CERS6: variants seen among roughly 807,000 people sequenced by gnomAD.
The protein encoded by CERS6 is ceramide synthase 6, also known as LAG1 homolog, ceramide synthase 6.
In CERS6, 26 loss-of-function variants were observed where a neutral mutation model predicts 56.8. That is an observed-to-expected ratio of 0.46 (90% CI 0.34 to 0.63). The LOEUF (loss-of-function observed/expected upper bound fraction) is 0.63. Ranked by LOEUF, CERS6 falls within the 30% of genes least tolerant of loss-of-function variation. CERS6 has a pLI of 0.01. For missense variants in CERS6, 415 were observed against 467.5 expected, an observed-to-expected ratio of 0.89 and a Z score of 1.04; for synonymous variants, 164 against 173.3, an observed-to-expected ratio of 0.95 and a Z score of 0.42.
intron 8 of CERS6, among the ~76,000 whole-genome samples, chr2:168,727,131 C>G (rs539963713): frequency 1.3e-5 from 2 of 152,278 alleles, no homozygotes; most frequent in Admixed American, 6.5e-5. Flanking sequence ...CGTACCTTTA[C>G]TGGTCAGCTA....
intron 3 of CERS6, among the ~76,000 whole-genome samples, chr2:168,615,321 C>T (rs888723024): frequency 2.0e-5 from 3 of 151,968 alleles, no homozygotes; most frequent in Non-Finnish European, 4.4e-5. Flanking sequence ...TTAACACCCC[C>T]GAAAAATCAC....
intron 4 of CERS6, among the ~76,000 whole-genome samples, chr2:168,685,965 A>C (rs1257116255): frequency 6.6e-6 from 1 of 151,204 alleles, no homozygotes; most frequent in East Asian, 1.9e-4. Flanking sequence ...GACATTTTAT[A>C]AGTCTTCTTA....
At position 168,615,407 on chromosome 2, in the gene CERS6, A is replaced by G. The variant is rs572353915; in HGVS notation, c.408-15578A>G. Among the ~76,000 whole-genome samples the G allele has an allele frequency of 1.2e-4, 18 of 152,308 alleles. No individual in the cohort carries two copies. In the South Asian group the frequency reaches 3.5e-3, roughly 30 times the overall value. On this transcript the variant is annotated intron_variant, in intron 3 of 9. Coordinates refer to ENST00000305747, the MANE Select transcript of CERS6 (RefSeq NM_203463.3). The stretch of plus-strand genomic sequence containing the variant: ...TGAAAAAGAATCCAGAAAGTCAGTA[A>G]TTAAGCTAATCAAGGAGGCACCAGA...
At chr2:168,534,070 G>T (rs1695214531) in intron 1 of CERS6, among the ~76,000 whole-genome samples, 1 of 152,024 alleles carries the variant, frequency 6.6e-6, no homozygotes, top group Non-Finnish European at 1.5e-5. Context: ...GCTCCATCAG[G>T]TCATTTATGT....
At chr2:168,751,338 C>T (rs553225508) in intron 8 of CERS6, among the ~76,000 whole-genome samples, 7 of 152,156 alleles carry the variant, frequency 4.6e-5, no homozygotes, top group Non-Finnish European at 1.0e-4. Flanking sequence ...TACCAGAAGA[C>T]AGAGCACTAC....
chr2:168,561,540 A>G (rs1695790477), intron 3 of CERS6, among the ~76,000 whole-genome samples: 1 of 152,202 alleles, frequency 6.6e-6, no homozygotes, highest in African/African-American at 2.4e-5. Flanking sequence ...TGGAGTTTCT[A>G]CAAAGTAAGC....
At chr2:168,665,376 T>C (rs1026671149) in intron 4 of CERS6, among the ~76,000 whole-genome samples, 2 of 152,208 alleles carry the variant, frequency 1.3e-5, no homozygotes, top group African/African-American at 4.8e-5. Context: ...TTACTTAAGT[T>C]TTTGCTTAGC....
At chr2:168,598,718 C>T (rs1308278065) in intron 3 of CERS6, among the ~76,000 whole-genome samples, 1 of 152,182 alleles carries the variant, frequency 6.6e-6, no homozygotes, top group African/African-American at 2.4e-5. Context: ...ATCTTCACTT[C>T]TGCAATATAG....
chr2:168,478,444 C>T (rs1377572923), intron 1 of CERS6, among the ~76,000 whole-genome samples: 3 of 152,178 alleles, frequency 2.0e-5, no homozygotes, highest in Admixed American at 1.3e-4. Context: ...GAACTTTACA[C>T]CCTGACCTCC....
chr2:168,715,015 G>A lies in CERS6; in HGVS notation c.624G>A (p.Met208Ile). Residue 208 changes from methionine (M) to isoleucine (I), a missense_variant, in exon 7 of 10, where the codon ATG becomes ATA. By Grantham distance (10) the Met-to-Ile change is conservative. Coordinates refer to ENST00000305747, the MANE Select transcript of CERS6 (RefSeq NM_203463.3). ...CTTTCCTCAAGGACTTTGGCATTAT[G>A]TTCCTGCACCACCTTGTATCTATTT... ...TDIKRKDFGI[M>I]FLHHLVSIFL... The A allele has an allele frequency of 6.2e-7, 1 of 1,606,336 alleles. No homozygotes were observed.
intron 4 of CERS6, among the ~76,000 whole-genome samples, chr2:168,631,461 AAATAT>A (rs1167642699): frequency 1.2e-3 from 149 of 124,812 alleles, no homozygotes; most frequent in Middle Eastern, 3.8e-3. Flanking sequence ...TATTATATAA[AAATAT>A]AATATATAAT....
chr2:168,755,787 C>T (rs1341937784), intron 8 of CERS6, among the ~76,000 whole-genome samples: 1 of 152,146 alleles, frequency 6.6e-6, no homozygotes, highest in Non-Finnish European at 1.5e-5. Context: ...TCAGTGGAGT[C>T]CCTCAGAGAT....
intron 2 of CERS6, among the ~76,000 whole-genome samples, chr2:168,552,343 A>G (rs1370624438): frequency 8.8e-6 from 1 of 113,404 alleles, no homozygotes; most frequent in Non-Finnish European, 1.8e-5. Flanking sequence ...CCCTACATAC[A>G]GAGTATACAC....
At chr2:168,726,708 C>A (rs1474326609) in intron 8 of CERS6, among the ~76,000 whole-genome samples, 1 of 152,162 alleles carries the variant, frequency 6.6e-6, no homozygotes, top group Non-Finnish European at 1.5e-5. Flanking sequence ...TAGTATTTTA[C>A]AAACTATAAA....
At position 168,631,129 on chromosome 2, in the gene CERS6, A is replaced by T. The variant is rs142102182; in HGVS notation, c.465+87A>T. 1.3e-3 allele frequency: 753 copies of T among 572,800 alleles called. 3 individuals carry two copies. In the African/African-American group the frequency reaches 0.013, roughly 10 times the overall value. 35.5% of individuals were successfully genotyped at this position (572,800 alleles called of 1,614,324 possible). A position where few individuals can be genotyped will look rare whatever the true frequency, so the allele number is the denominator to read the frequency against. On this transcript the variant is annotated intron_variant, in intron 4 of 9. Coordinates refer to ENST00000305747, the MANE Select transcript of CERS6 (RefSeq NM_203463.3). ...TTTTTTTTAATGTGTGACTGTAATA[A>T]TATTTTAGGTAATCATATCAGGCTT... is the stretch of plus-strand genomic sequence containing the variant.
At chr2:168,527,448 A>G (rs1695090344) in intron 1 of CERS6, among the ~76,000 whole-genome samples, 1 of 152,204 alleles carries the variant, frequency 6.6e-6, no homozygotes, top group African/African-American at 2.4e-5. Flanking sequence ...ATGCAGATTT[A>G]TAATGCCATG....
intron 3 of CERS6, among the ~76,000 whole-genome samples, chr2:168,569,905 T>G (rs998488119): frequency 6.6e-6 from 1 of 152,312 alleles, no homozygotes; most frequent in East Asian, 1.9e-4. Context: ...ATAAAGTGTT[T>G]AGAAAGATGT....
At chr2:168,521,607 G>T (rs1170576043) in intron 1 of CERS6, among the ~76,000 whole-genome samples, 1 of 152,200 alleles carries the variant, frequency 6.6e-6, no homozygotes, top group Non-Finnish European at 1.5e-5. Context: ...TTGAAATGAG[G>T]CACTTCCAGA....
intron 6 of CERS6, among the ~76,000 whole-genome samples, chr2:168,700,332 C>G (rs1002900993): frequency 6.6e-6 from 1 of 152,038 alleles, no homozygotes; most frequent in African/African-American, 2.4e-5. Flanking sequence ...TTTAATCTTA[C>G]GAGGAAGCAG....
Sources: gnomAD v4.1 joint callset for allele counts (sites outside exome capture counted in the v4.1 genomes callset) on GRCh38, gnomAD v4.1.1 for gene constraint, MANE v1.5 for transcripts, NCBI Gene and HGNC (gene_info 2026-07-23, HGNC 2026-07-21) for gene names.